The following NTN1 variants were observed in gnomAD, a reference collection of about 807,000 sequenced individuals.
NTN1 encodes the protein netrin-1.
A neutral mutation model predicts 54.2 loss-of-function variants in NTN1; 11 were observed. That is an observed-to-expected ratio of 0.20 (90% CI 0.13 to 0.34). NTN1 has a LOEUF of 0.34. Among genes scored for constraint, NTN1 ranks in the 10% least tolerant of loss-of-function variants. The pLI is 1.00. For missense variants in NTN1, 740 were observed against 893.1 expected (o/e 0.83, Z 2.18); for synonymous variants, 371 against 382.0 (o/e 0.97, Z 0.33).
intron 2 of NTN1, among the ~76,000 whole-genome samples, chr17:9,140,778 T>C (rs1464285712): frequency 6.6e-6 from 1 of 152,186 alleles, no homozygotes; most frequent in Non-Finnish European, 1.5e-5. Context: ...AAAGGTCGTC[T>C]CTCCCTAGAA....
Position 9,168,889 on chromosome 17 carries a change from C to A in NTN1, c.1207+5888C>A, listed in dbSNP as rs138258302. Among the ~76,000 whole-genome samples, 199 of 152,214 alleles carry A rather than the reference C, an allele frequency of 1.3e-3. 1 individual carries two copies. The highest frequency in any genetic ancestry group is 0.011 in the Admixed American group (172 of 15,292). On this transcript the variant is annotated intron_variant, in intron 3 of 6. Transcript: ENST00000173229. ...GTTGGTCATCTGAGGCAGGAAGGTA[C>A]TTAGTGGCTGGAGCGGCTCCAGCTT...
intron 5 of NTN1, among the ~76,000 whole-genome samples, chr17:9,195,460 G>A (rs1904605973): frequency 6.6e-6 from 1 of 152,182 alleles, no homozygotes; most frequent in African/African-American, 2.4e-5. Flanking sequence ...CAGGTGTCAG[G>A]GAGAGAGAGG....
intron 4 of NTN1, among the ~76,000 whole-genome samples, chr17:9,182,239 C>T (rs1259765959): frequency 6.9e-6 from 1 of 144,576 alleles, no homozygotes; most frequent in Non-Finnish European, 1.5e-5. Flanking sequence ...ACGTGTTGGG[C>T]CCCAAACGTG....
At chr17:9,050,208 C>G (rs1257803240) in intron 2 of NTN1, among the ~76,000 whole-genome samples, 1 of 151,150 alleles carries the variant, frequency 6.6e-6, no homozygotes, top group Non-Finnish European at 1.5e-5. Flanking sequence ...GATTGCGCCA[C>G]TGCACTCCAG....
intron 2 of NTN1, among the ~76,000 whole-genome samples, chr17:9,051,209 A>G (rs1320022545): frequency 6.6e-6 from 1 of 152,222 alleles, no homozygotes; most frequent in Non-Finnish European, 1.5e-5. Context: ...TTGCAGACAC[A>G]AAAGAAGGCT....
Position 9,138,605 on chromosome 17 carries a change from A to G in NTN1, c.1019-24208A>G, listed in dbSNP as rs530778397. 2.6e-5 allele frequency among the ~76,000 whole-genome samples: 4 copies of G among 152,298 alleles called. No homozygotes were observed. In the East Asian group the frequency reaches 5.8e-4, roughly 22 times the overall value. ...GGCTCTGGCATCTCCTTGTCCATCAATCCGTCTGCACCTACTTATTGGGTG... is the reference window on the plus strand; with the variant it reads ...GGCTCTGGCATCTCCTTGTCCATCAGTCCGTCTGCACCTACTTATTGGGTG... On this transcript the variant is annotated intron_variant, in intron 2 of 6. Transcript: ENST00000173229.
chr17:9,027,539 A>G (rs1404429071), intron 2 of NTN1, among the ~76,000 whole-genome samples: 1 of 152,180 alleles, frequency 6.6e-6, no homozygotes, highest in Non-Finnish European at 1.5e-5. Context: ...AGAATGGATG[A>G]ATGAATGAAT....
At chr17:9,097,704 T>C (rs2092136499) in intron 2 of NTN1, among the ~76,000 whole-genome samples, 1 of 152,200 alleles carries the variant, frequency 6.6e-6, no homozygotes, top group African/African-American at 2.4e-5. Flanking sequence ...ATCTGTCCTG[T>C]ACCAGAACAC....
Position 9,221,913 on chromosome 17 carries a change from C to T in NTN1, c.1486+671C>T, listed in dbSNP as rs572161416. Reference sequence around the variant, plus strand: ...CTGGGAGCCTGCAGGAGGAGGGCCCCGCAGTGGCCAGCGGGCAGGTGTGTG... The same window carrying T: ...CTGGGAGCCTGCAGGAGGAGGGCCCTGCAGTGGCCAGCGGGCAGGTGTGTG... On this transcript the variant is annotated intron_variant, in intron 6 of 6. Coordinates refer to ENST00000173229, the MANE Select transcript of NTN1 (RefSeq NM_004822.3). This position sits in a 1 kb window ranked among gnomAD's most constrained non-coding sequence, Gnocchi z 4.5. Among the ~76,000 whole-genome samples, 54 of 152,256 alleles carry T rather than the reference C, an allele frequency of 3.5e-4. No individual in the cohort carries two copies. The highest frequency in any genetic ancestry group is 1.0e-3 in the South Asian group (5 of 4,820).
chr17:9,076,998 TC>T (rs773766154), intron 2 of NTN1, among the ~76,000 whole-genome samples: 8 of 152,056 alleles, frequency 5.3e-5, no homozygotes, highest in Non-Finnish European at 1.2e-4. Flanking sequence ...GCCCTCTCCT[TC>T]CTGGAAATGT....
chr17:9,010,961 GT>G, the NTN1 span, among the ~76,000 whole-genome samples: 30 of 152,048 alleles, frequency 2.0e-4, no homozygotes, highest in African/African-American at 7.0e-4. Flanking sequence ...GCTTCAGCTT[GT>G]TTTTTTGCAA....
At chr17:9,178,693 G>A (rs1294459525) in intron 3 of NTN1, among the ~76,000 whole-genome samples, 2 of 152,194 alleles carry the variant, frequency 1.3e-5, no homozygotes, top group Middle Eastern at 3.2e-3. Flanking sequence ...GCTGCCGGAC[G>A]CCTTACTGCA....
chr17:9,193,937 A>AC (rs1259314576), intron 5 of NTN1, among the ~76,000 whole-genome samples: 8,218 of 139,074 alleles, frequency 0.059, 648 homozygotes, highest in African/African-American at 0.15. Context: ...AAAAAAAAAA[A>AC]AAAAAAACAT....
Position 9,212,606 on chromosome 17 carries a change from T to C in NTN1, c.1412-8562T>C, listed in dbSNP as rs1209625901. 2.0e-5 allele frequency among the ~76,000 whole-genome samples: 3 copies of C among 152,106 alleles called. No individual in the cohort carries two copies. The highest frequency in any genetic ancestry group is 1.3e-4 in the Admixed American group (2 of 15,284). On this transcript the variant is annotated intron_variant, in intron 5 of 6. Coordinates refer to ENST00000173229, the MANE Select transcript of NTN1 (RefSeq NM_004822.3). The surrounding 1 kb of genome is among the most constrained non-coding windows in gnomAD (Gnocchi z 5.5). ...CCAGCCTTTCTCCCCTTAAACTCTT[T>C]CACCCTGGGCCAGGGAGAACCAGGG...
chr17:9,047,514 G>C (rs1326918422), intron 2 of NTN1, among the ~76,000 whole-genome samples: 1 of 152,142 alleles, frequency 6.6e-6, no homozygotes, highest in East Asian at 1.9e-4. Context: ...TGAGATTGGA[G>C]TGATTCAGTC....
intron 5 of NTN1, among the ~76,000 whole-genome samples, chr17:9,193,935 A>AAAACAAAAC (rs1555574990): frequency 1.6e-5 from 2 of 123,530 alleles, no homozygotes; most frequent in Non-Finnish European, 3.4e-5. Context: ...AAAAAAAAAA[A>AAAACAAAAC]AAAAAAAAAC....
chr17:9,209,123 G>T (rs550359580), intron 5 of NTN1, among the ~76,000 whole-genome samples: 1 of 152,270 alleles, frequency 6.6e-6, no homozygotes, highest in African/African-American at 2.4e-5. Flanking sequence ...CCCATCTCAC[G>T]GCACCATAGT....
intron 5 of NTN1, among the ~76,000 whole-genome samples, chr17:9,193,928 A>AC (rs1567734853): frequency 5.8e-5 from 8 of 137,102 alleles, no homozygotes; most frequent in Admixed American, 5.3e-4. Flanking sequence ...ACTAAAAAAA[A>AC]AAAAAAAAAA....
Position 9,022,714 on chromosome 17 carries a change from C to G in NTN1, c.341C>G (p.Pro114Arg). The G allele has an allele frequency of 6.2e-7, 1 of 1,603,238 alleles. No homozygotes were observed. Among genetic ancestry groups the G allele is most frequent in the Non-Finnish European group, 8.5e-7 (1 of 1,175,814 alleles). ...PPAFLTDLNN[P>R]HNLTCWQSEN... ...GCCTTCCTCACCGACCTCAACAACC[C>G]GCACAACCTGACGTGCTGGCAGTCC... The change falls in exon 2 of 7, where the codon CCG becomes CGG. Residue 114 changes from proline (P) to arginine (R), a missense_variant. Transcript: ENST00000173229.
Sources: allele counts gnomAD v4.1 joint callset (sites outside exome capture counted in the v4.1 genomes callset), GRCh38; gene constraint gnomAD v4.1.1; non-coding constraint Gnocchi (gnomAD v3.1); transcripts MANE v1.5; gene names NCBI Gene and HGNC (gene_info 2026-07-23, HGNC 2026-07-21).